OFD1: variants seen among roughly 807,000 people sequenced by gnomAD.
OFD1 encodes centriole and centriolar satellite protein OFD1.
A neutral mutation model predicts 81.4 loss-of-function variants in OFD1; 12 were observed. The observed-to-expected ratio is 0.15, with a 90% CI of 0.09 to 0.24. OFD1 has a LOEUF of 0.24. Ranked by LOEUF, OFD1 falls within the 10% of genes least tolerant of loss-of-function variation. The probability of loss-of-function intolerance (pLI) is 1.00; values close to 1 mark genes in which losing one functional copy is unlikely to be tolerated. For missense variants in OFD1, 685 were observed against 733.9 expected, an observed-to-expected ratio of 0.93 and a Z score of 0.77; for synonymous variants, 256 against 263.7, an observed-to-expected ratio of 0.97 and a Z score of 0.28.
At chrX:13,717,370 G>A in the OFD1 span, among the ~76,000 whole-genome samples, 2 of 112,294 alleles carry the variant, frequency 1.8e-5, no homozygotes, top group Non-Finnish European at 3.8e-5. Flanking sequence ...GTGAACAGAA[G>A]GTGGGACTGT....
At chrX:13,722,856 G>C in the OFD1 span, among the ~76,000 whole-genome samples, 1 of 111,388 alleles carries the variant, frequency 9.0e-6, no homozygotes, top group African/African-American at 3.3e-5. Context: ...GAGGTCAGGA[G>C]ATCGAGACCA....
In OFD1 at chrX:13,769,273, C is replaced by G; in HGVS notation, c.*165C>G. ...AATTTTGATACCATAGTGTGTGAAC[C>G]AAGAATAATCTAGTCACGTGAAACC... On this transcript the variant is annotated 3_prime_UTR_variant, in exon 23 of 23. Coordinates refer to ENST00000340096, the MANE Select transcript of OFD1 (RefSeq NM_003611.3). 2.1e-6 allele frequency: 1 copy of G among 480,747 alleles called. No homozygotes were observed. Among genetic ancestry groups the G allele is most frequent in the Non-Finnish European group, 3.7e-6 (1 of 268,334 alleles). 39.6% of individuals were successfully genotyped at this position (480,747 alleles called of 1,213,427 possible). A position where few individuals can be genotyped will look rare whatever the true frequency, so the allele number is the denominator to read the frequency against.
chrX:13,740,111 G>T, intron 5 of OFD1: 1 of 962,672 alleles, frequency 1.0e-6, no homozygotes, highest in Middle Eastern at 3.0e-4. Context: ...TGACTTAATC[G>T]CCAAGTCTCT....
At chrX:13,742,545 A>G (rs1033859324) in intron 5 of OFD1, among the ~76,000 whole-genome samples, 2 of 112,060 alleles carry the variant, frequency 1.8e-5, no homozygotes, top group East Asian at 5.6e-4. Context: ...TGTTTTTGAG[A>G]CGGAGTTTCA....
At position 13,736,513 on chromosome X, in the gene OFD1, G is replaced by A. The variant is rs1405069245; in HGVS notation, c.147G>A (p.Met49Ile). ...GAAACCAGCTAATTCATGAGTTGAT[G>A]CACCCTGTATTGAGTGGAGAACTGC... ...QLRNQLIHEL[M>I]HPVLSGELQP... The change falls in exon 3 of 23, where the codon ATG becomes ATA. Residue 49 changes from methionine to isoleucine, a missense_variant. By Grantham distance (10) the Met-to-Ile change is conservative (BLOSUM62 1). Coordinates refer to ENST00000340096, the MANE Select transcript of OFD1 (RefSeq NM_003611.3). 2 of 1,209,315 alleles carry A rather than the reference G, an allele frequency of 1.7e-6. No homozygotes were observed. Among genetic ancestry groups the A allele is most frequent in the Non-Finnish European group, 1.1e-6 (1 of 894,780 alleles).
At chrX:13,760,807 G>A (rs901227527) in intron 16 of OFD1, 87 bp downstream of exon 16, 42 of 1,095,156 alleles carry the variant, frequency 3.8e-5, no homozygotes, top group South Asian at 2.5e-4. Flanking sequence ...GAGGGTCAGC[G>A]GGCCAGAGTG....
At chrX:13,750,570 T>G (rs781242321) in intron 9 of OFD1, among the ~76,000 whole-genome samples, 1 of 112,521 alleles carries the variant, frequency 8.9e-6, no homozygotes, top group East Asian at 2.8e-4. Context: ...TTGGAAGCCC[T>G]GATTGATCCA....
downstream of OFD1, chrX:13,771,534 T>G (rs1457508309): frequency 8.9e-6 from 1 of 112,291 alleles, no homozygotes; most frequent in Non-Finnish European, 1.9e-5. Context: ...TGCACATGTA[T>G]GTTATAAAAT....
chrX:13,750,379 A>G (rs1009151794), intron 9 of OFD1, among the ~76,000 whole-genome samples: 3 of 111,661 alleles, frequency 2.7e-5, no homozygotes, highest in African/African-American at 9.8e-5. Flanking sequence ...ATGGCTTTCC[A>G]GATTACCAGC....
At chrX:13,760,872 C>T in intron 16 of OFD1, 152 bp downstream of exon 16, 1 of 833,858 alleles carries the variant, frequency 1.2e-6, no homozygotes, top group Non-Finnish European at 1.7e-6. Flanking sequence ...GTTGCCTTGC[C>T]TTTGCTGCCT....
intron 2 of OFD1, chrX:13,736,022 A>G (rs2046848797): frequency 2.6e-6 from 1 of 382,523 alleles, no homozygotes; most frequent in Non-Finnish European, 3.4e-6. Context: ...CTTCATTTTC[A>G]GTGGCAACAG....
At chrX:13,733,674 A>G (rs1001731861), upstream of OFD1, among the ~76,000 whole-genome samples, 1 of 112,018 alleles carries the variant, frequency 8.9e-6, no homozygotes, top group Non-Finnish European at 1.9e-5. Context: ...CTTAGATACC[A>G]TATAAGGCTT....
downstream of OFD1, chrX:13,772,649 C>G: frequency 3.0e-6 from 1 of 330,298 alleles, no homozygotes; most frequent in East Asian, 4.5e-5. Flanking sequence ...ATCATTTTGT[C>G]AAAGTGTTGC....
chrX:13,759,885 A>C (rs1289429678), intron 15 of OFD1, among the ~76,000 whole-genome samples: 1 of 112,294 alleles, frequency 8.9e-6, no homozygotes, highest in Non-Finnish European at 1.9e-5. Flanking sequence ...AAAATTGTGC[A>C]TAATGGATTC....
intron 16 of OFD1, 25 bp downstream of exon 16, chrX:13,760,745 C>T (rs766915512): frequency 5.8e-6 from 7 of 1,207,924 alleles, no homozygotes; most frequent in East Asian, 5.9e-5. Flanking sequence ...CAAAGGGTTG[C>T]GGGGTGCTCT....
At chrX:13,725,316 G>A in the OFD1 span, among the ~76,000 whole-genome samples, 13 of 112,783 alleles carry the variant, frequency 1.2e-4, no homozygotes, top group East Asian at 3.1e-3. Flanking sequence ...CCTGACCCCC[G>A]TATGGCCTAA....
chrX:13,772,607 T>G, downstream of OFD1: 1 of 288,829 alleles, frequency 3.5e-6, no homozygotes, highest in Non-Finnish European at 6.2e-6. Flanking sequence ...GCAATAAATG[T>G]GAACATGCCA....
At position 13,762,418 on chromosome X, in the gene OFD1, A is replaced by G; in HGVS notation, c.2462A>G (p.Asn821Ser). ...GTGGACAAGCTAGCTTTTAAGGATA[A>G]TGAGGAGTTTGAATCATCTTTTGAA... is the stretch of plus-strand genomic sequence containing the variant. Reference protein sequence around the residue: ...SDVDKLAFKDNEEFESSFESA... With the variant: ...SDVDKLAFKDSEEFESSFESA... Residue 821 changes from asparagine to serine, a missense_variant, in exon 18 of 23, where the codon AAT becomes AGT. This residue lies in a region of OFD1 where 259 missense variants were observed against 254.4 expected (regional missense o/e 1.02). Transcript: ENST00000340096. 14 of 1,182,419 alleles carry G rather than the reference A, an allele frequency of 1.2e-5. No individual in the cohort carries two copies. The highest frequency in any genetic ancestry group is 1.6e-5 in the Non-Finnish European group (14 of 868,678).
At chrX:13,717,470 G>A in the OFD1 span, among the ~76,000 whole-genome samples, 33 of 111,777 alleles carry the variant, frequency 3.0e-4, no homozygotes, top group Non-Finnish European at 3.8e-4. Context: ...GGCCAGGCGC[G>A]GTGGCTTATG....
Sources: allele counts gnomAD v4.1 joint callset (sites outside exome capture counted in the v4.1 genomes callset), GRCh38; gene constraint gnomAD v4.1.1; regional missense constraint gnomAD v4.1.1; transcripts MANE v1.5; gene names NCBI Gene and HGNC (gene_info 2026-07-23, HGNC 2026-07-21).